CDH12: variants seen among roughly 807,000 people sequenced by gnomAD.
The protein encoded by CDH12 is cadherin-12.
Under a neutral mutation model 74.1 loss-of-function variants are expected in CDH12, and 41 were observed. The observed-to-expected ratio is 0.55, with a 90% CI of 0.43 to 0.72. The LOEUF (loss-of-function observed/expected upper bound fraction) is 0.72, where lower values mean the gene tolerates loss of function less well. CDH12 is among the 30% of genes least tolerant of loss of function. CDH12 has a pLI of 0.00. For synonymous variants in CDH12, 399 were observed against 355.0 expected, an observed-to-expected ratio of 1.12 and a Z score of -1.39; for missense variants, 945 against 977.2, an observed-to-expected ratio of 0.97 and a Z score of 0.44.
intron 1 of CDH12, among the ~76,000 whole-genome samples, chr5:22,547,061 T>A (rs1201687422): frequency 1.3e-5 from 2 of 152,176 alleles, no homozygotes; most frequent in Admixed American, 6.5e-5. Flanking sequence ...ATGATGCACA[T>A]CCATTTGAGG....
intron 3 of CDH12, among the ~76,000 whole-genome samples, chr5:22,259,398 G>A (rs918603989): frequency 2.0e-5 from 3 of 151,844 alleles, no homozygotes; most frequent in Admixed American, 1.3e-4. Context: ...CCTAATTCAC[G>A]GAATTATATT....
intron 1 of CDH12, among the ~76,000 whole-genome samples, chr5:22,709,967 A>G (rs1166924890): frequency 1.3e-5 from 2 of 152,206 alleles, no homozygotes; most frequent in Non-Finnish European, 2.9e-5. Context: ...TGTAGGTGTT[A>G]CCTTAGACCA....
At chr5:22,527,948 T>A (rs977721054) in intron 1 of CDH12, among the ~76,000 whole-genome samples, 2 of 152,192 alleles carry the variant, frequency 1.3e-5, no homozygotes, top group Non-Finnish European at 2.9e-5. Context: ...TTCATATTTA[T>A]GTTGCACCTG....
chr5:21,958,115 C>T (rs905222492), intron 6 of CDH12, among the ~76,000 whole-genome samples: 3 of 152,136 alleles, frequency 2.0e-5, no homozygotes, highest in East Asian at 3.9e-4. Flanking sequence ...CCCAGCTTTG[C>T]CTGGTACTTC....
At chr5:22,694,892 A>G (rs185206302) in intron 1 of CDH12, among the ~76,000 whole-genome samples, 1 of 152,166 alleles carries the variant, frequency 6.6e-6, no homozygotes, top group Non-Finnish European at 1.5e-5. Context: ...TTACATAAGT[A>G]TACATGTGCC....
intron 1 of CDH12, among the ~76,000 whole-genome samples, chr5:22,688,394 CTA>C (rs984467131): frequency 3.9e-5 from 6 of 152,096 alleles, no homozygotes; most frequent in African/African-American, 1.4e-4. Flanking sequence ...AATTACGTGA[CTA>C]TTCAAATTAT....
At chr5:21,906,562 T>C (rs1753649488) in intron 6 of CDH12, among the ~76,000 whole-genome samples, 1 of 152,170 alleles carries the variant, frequency 6.6e-6, no homozygotes. Flanking sequence ...ATTTACTGAA[T>C]ATAATCCTTC....
At chr5:22,797,163 G>T (rs140605550) in intron 1 of CDH12, among the ~76,000 whole-genome samples, 35 of 131,732 alleles carry the variant, frequency 2.7e-4, no homozygotes, top group African/African-American at 9.9e-4. Flanking sequence ...GAGCCCCCAT[G>T]AATGGGATCA....
At chr5:21,978,982 C>T (rs1757190046) in intron 5 of CDH12, among the ~76,000 whole-genome samples, 1 of 152,002 alleles carries the variant, frequency 6.6e-6, no homozygotes, top group Non-Finnish European at 1.5e-5. Context: ...CTCATTTGCA[C>T]AAAGAAGGAA....
intron 3 of CDH12, among the ~76,000 whole-genome samples, chr5:22,393,412 C>T (rs1042330817): frequency 6.6e-6 from 1 of 152,076 alleles, no homozygotes; most frequent in African/African-American, 2.4e-5. Context: ...CAGCCTCTAA[C>T]ATTGTGAGAG....
At chr5:22,287,382 C>T (rs1224318800) in intron 3 of CDH12, among the ~76,000 whole-genome samples, 2 of 151,822 alleles carry the variant, frequency 1.3e-5, no homozygotes, top group Admixed American at 1.3e-4. Flanking sequence ...ATTTATATTA[C>T]CAAATATAAA....
intron 3 of CDH12, among the ~76,000 whole-genome samples, chr5:22,227,521 G>C (rs1012263026): frequency 6.6e-6 from 1 of 152,060 alleles, no homozygotes; most frequent in African/African-American, 2.4e-5. Context: ...ATTACTTATA[G>C]TGGGAACTTT....
chr5:21,942,168 G>A (rs1755359584), intron 6 of CDH12, among the ~76,000 whole-genome samples: 1 of 151,966 alleles, frequency 6.6e-6, no homozygotes, highest in South Asian at 2.1e-4. Flanking sequence ...GGAGAAAGGG[G>A]TTATAGCCAA....
intron 1 of CDH12, among the ~76,000 whole-genome samples, chr5:22,525,961 T>G (rs576600361): frequency 4.3e-4 from 66 of 152,334 alleles, no homozygotes; most frequent in African/African-American, 1.6e-3. Context: ...ATTTATCTCT[T>G]TGCATGATTC....
At chr5:21,987,832 C>A (rs1185895941) in intron 5 of CDH12, among the ~76,000 whole-genome samples, 1 of 152,056 alleles carries the variant, frequency 6.6e-6, no homozygotes, top group East Asian at 1.9e-4. Flanking sequence ...ATCAGTATCA[C>A]TTTTTCATGT....
intron 11 of CDH12, among the ~76,000 whole-genome samples, chr5:21,782,167 TG>T (rs1745951925): frequency 6.6e-6 from 1 of 152,150 alleles, no homozygotes. Flanking sequence ...AGAGCTGAGC[TG>T]GAATTGTCAA....
intron 5 of CDH12, among the ~76,000 whole-genome samples, chr5:22,017,553 T>G (rs920053383): frequency 5.9e-5 from 9 of 152,174 alleles, no homozygotes; most frequent in Admixed American, 1.3e-4. Flanking sequence ...TGAAAATGAT[T>G]CAAATTCTGG....
chr5:22,145,646 C>T (rs116537871), intron 4 of CDH12, among the ~76,000 whole-genome samples: 3,739 of 152,144 alleles, frequency 0.025, 61 homozygotes, highest in Non-Finnish European at 0.033. Context: ...GCAAGGCTAA[C>T]GGTGAGCAGT....
intron 6 of CDH12, among the ~76,000 whole-genome samples, chr5:21,899,858 A>G (rs1238747972): frequency 1.3e-5 from 2 of 152,106 alleles, no homozygotes; most frequent in Non-Finnish European, 2.9e-5. Flanking sequence ...TACTTGTGAT[A>G]GAATTCATTT....
Sources: allele counts gnomAD v4.1 joint callset (sites outside exome capture counted in the v4.1 genomes callset), GRCh38; gene constraint gnomAD v4.1.1; transcripts MANE v1.5; gene names NCBI Gene and HGNC (gene_info 2026-07-23, HGNC 2026-07-21).